WIPF2: variants seen among roughly 807,000 people sequenced by gnomAD.
WIPF2 encodes WAS/WASL interacting protein family member 2, also known as WAS/WASL-interacting protein family member 2.
WIPF2 carries 23 observed loss-of-function variants against 38.8 expected under a neutral mutation model. That is an observed-to-expected ratio of 0.59 (90% CI 0.43 to 0.84). WIPF2 has a LOEUF of 0.84. WIPF2 is among the 40% of genes least tolerant of loss of function. The probability of loss-of-function intolerance (pLI) is 0.00; values close to 1 mark genes in which losing one functional copy is unlikely to be tolerated. For synonymous variants in WIPF2, 210 were observed against 223.2 expected, an observed-to-expected ratio of 0.94 and a Z score of 0.53; for missense variants, 574 against 580.5, an observed-to-expected ratio of 0.99 and a Z score of 0.11.
Position 40,259,712 on chromosome 17 carries a change from T to C in WIPF2, c.64-823T>C, listed in dbSNP as rs75653858. Among the ~76,000 whole-genome samples the C allele has an allele frequency of 3.4e-3, 522 of 152,306 alleles. 1 individual carries two copies. The Middle Eastern group carries it at 0.041, about 12-fold the overall frequency. On this transcript the variant is annotated intron_variant, in intron 2 of 7. Coordinates refer to ENST00000323571, the MANE Select transcript of WIPF2 (RefSeq NM_133264.5). ...AGTGTCACTGTTGGAGTTTGGACTC[T>C]TGTTTTATTGTTTACTAGTTGCATG... is the stretch of plus-strand genomic sequence containing the variant.
Position 40,255,021 on chromosome 17 carries a change from A to G in WIPF2, c.-69-1370A>G, listed in dbSNP as rs376382367. Reference sequence around the variant, plus strand: ...AGTGCTAGGATTACAGGCTTGAGCCACTGTGCCCGGCCTGATTTTTACATT... The same window carrying G: ...AGTGCTAGGATTACAGGCTTGAGCCGCTGTGCCCGGCCTGATTTTTACATT... On this transcript the variant is annotated intron_variant, in intron 1 of 7. Transcript: ENST00000323571. Among the ~76,000 whole-genome samples, 19 of 152,212 alleles carry G rather than the reference A, an allele frequency of 1.2e-4. No individual in the cohort carries two copies. In the East Asian group the frequency reaches 2.7e-3, roughly 22 times the overall value.
At chr17:40,243,376 G>A (rs983137433) in intron 1 of WIPF2, among the ~76,000 whole-genome samples, 10 of 152,036 alleles carry the variant, frequency 6.6e-5, no homozygotes, top group Non-Finnish European at 1.5e-4. Flanking sequence ...GCGTTTTGGG[G>A]ATGCATTATG....
Position 40,256,608 on chromosome 17 carries a change from C to G in WIPF2, c.63+86C>G. 7 of 1,477,130 alleles carry G rather than the reference C, an allele frequency of 4.7e-6. No individual in the cohort carries two copies. The South Asian group carries it at 9.7e-5, about 20-fold the overall frequency. 91.5% of individuals were successfully genotyped at this position (1,477,130 alleles called of 1,614,324 possible). On this transcript the variant is annotated intron_variant, in intron 2 of 7. Coordinates refer to ENST00000323571, the MANE Select transcript of WIPF2 (RefSeq NM_133264.5). ...ACATACTTTTTTTTTCTTTTAACTC[C>G]TTTTGGTTAAAATTTCTAGATTTTC...
In WIPF2 at chr17:40,282,763, C is replaced by T. The variant is rs2032578793; in HGVS notation, c.*4538C>T. 6.6e-6 allele frequency: 1 copy of T among 152,088 alleles called. No homozygotes were observed. Among genetic ancestry groups the T allele is most frequent in the African/African-American group, 2.4e-5 (1 of 41,388 alleles). The allele number at this position is 152,088 out of a possible 1,614,324, so 9.4% of individuals were successfully genotyped here. ...CACAGAGAGGGGAGAAAACCTTTGC[C>T]TCATAATTTGGGTAAGTGTAGTGGT... is the stretch of plus-strand genomic sequence containing the variant. On this transcript the variant is annotated 3_prime_UTR_variant, in exon 8 of 8. Coordinates refer to ENST00000323571, the MANE Select transcript of WIPF2 (RefSeq NM_133264.5).
intron 1 of WIPF2, among the ~76,000 whole-genome samples, chr17:40,238,163 G>A (rs929528454): frequency 1.3e-5 from 2 of 151,704 alleles, no homozygotes; most frequent in Non-Finnish European, 2.9e-5. Flanking sequence ...GTCTCCAAGG[G>A]CTCTTTTTAT....
chr17:40,228,536 C>G (rs1165479384), intron 1 of WIPF2, among the ~76,000 whole-genome samples: 1 of 151,902 alleles, frequency 6.6e-6, no homozygotes, highest in African/African-American at 2.4e-5. Context: ...GTTCGTTATT[C>G]ATTTATTCAA....
chr17:40,244,815 G>T (rs965607625), intron 1 of WIPF2, among the ~76,000 whole-genome samples: 1 of 151,926 alleles, frequency 6.6e-6, no homozygotes, highest in South Asian at 2.1e-4. Flanking sequence ...ATTTCTTTTC[G>T]GAATGCTCTT....
At chr17:40,276,643 G>A (rs1355416271) in intron 6 of WIPF2, among the ~76,000 whole-genome samples, 1 of 151,992 alleles carries the variant, frequency 6.6e-6, no homozygotes, top group Non-Finnish European at 1.5e-5. Context: ...CAGGCTAGGC[G>A]TGGTTCACAC....
intron 2 of WIPF2, among the ~76,000 whole-genome samples, chr17:40,258,971 G>A (rs1421877031): frequency 4.8e-5 from 7 of 146,030 alleles, no homozygotes; most frequent in African/African-American, 1.0e-4. Flanking sequence ...TTTTTAGGCC[G>A]GGTGCAGTGG....
chr17:40,273,508 G>C (rs143081822), intron 5 of WIPF2: 9 of 411,788 alleles, frequency 2.2e-5, no homozygotes, highest in African/African-American at 4.2e-5. Context: ...ATATAAGGAA[G>C]ACCTGAATTA....
rs1174337519 is a variant in WIPF2 at position 40,282,740 on chromosome 17, CAG to C, written c.*4520_*4521del. 2 of 152,250 alleles carry C rather than the reference CAG, an allele frequency of 1.3e-5. No individual in the cohort carries two copies. The highest frequency in any genetic ancestry group is 2.4e-5 in the African/African-American group (1 of 41,526). The allele number at this position is 152,250 out of a possible 1,614,324, so 9.4% of individuals were successfully genotyped here. The stretch of plus-strand genomic sequence containing the variant: ...TGGAATACCGCCTCAGGTGGTGGCA[CAG>C]AGAGGGGAGAAAACCTTTGCCTCAT... On this transcript the variant is annotated 3_prime_UTR_variant, in exon 8 of 8. Transcript: ENST00000323571.
intron 7 of WIPF2, 131 bp from the exon 8 acceptor site, chr17:40,278,054 A>G (rs1322977412): frequency 2.7e-6 from 3 of 1,112,028 alleles, no homozygotes; most frequent in East Asian, 2.6e-5. Context: ...AGGCAAAACA[A>G]TAATAACACG....
chr17:40,248,964 A>G (rs2031465880), intron 1 of WIPF2, among the ~76,000 whole-genome samples: 2 of 152,160 alleles, frequency 1.3e-5, no homozygotes, highest in South Asian at 4.1e-4. Context: ...TGGGACCTTA[A>G]GATTTTGCTG....
intron 1 of WIPF2, among the ~76,000 whole-genome samples, chr17:40,225,139 A>G (rs1011231024): frequency 2.0e-5 from 3 of 152,168 alleles, no homozygotes; most frequent in African/African-American, 7.2e-5. Context: ...TCTTTCTTCT[A>G]AATTCAAGTC....
intron 1 of WIPF2, among the ~76,000 whole-genome samples, chr17:40,220,114 A>G (rs1486216398): frequency 6.6e-6 from 1 of 151,002 alleles, no homozygotes; most frequent in Non-Finnish European, 1.5e-5. Context: ...GTTCATGTTG[A>G]AGTGGTGTGA....
chr17:40,237,845 C>G (rs2031036208), intron 1 of WIPF2, among the ~76,000 whole-genome samples: 1 of 148,464 alleles, frequency 6.7e-6, no homozygotes, highest in Non-Finnish European at 1.5e-5. Context: ...GGGGTTTCAC[C>G]CTGTTGGTCA....
chr17:40,261,056 A>T (rs942716578), intron 3 of WIPF2, among the ~76,000 whole-genome samples: 1 of 146,860 alleles, frequency 6.8e-6, no homozygotes, highest in African/African-American at 2.5e-5. Context: ...AAAAAAAAAA[A>T]GGCTGCCATC....
chr17:40,233,866 C>G (rs557440134), intron 1 of WIPF2, among the ~76,000 whole-genome samples: 1 of 151,986 alleles, frequency 6.6e-6, no homozygotes, highest in Non-Finnish European at 1.5e-5. Context: ...GAGTTCGAGA[C>G]CAGCCTGACC....
chr17:40,257,506 G>A (rs1254851773), intron 2 of WIPF2, among the ~76,000 whole-genome samples: 1 of 152,026 alleles, frequency 6.6e-6, no homozygotes, highest in Admixed American at 6.6e-5. Context: ...GATACCTGGT[G>A]TCACATGAGA....
Sources: gnomAD v4.1 joint callset for allele counts (sites outside exome capture counted in the v4.1 genomes callset) on GRCh38, gnomAD v4.1.1 for gene constraint, MANE v1.5 for transcripts, NCBI Gene and HGNC (gene_info 2026-07-23, HGNC 2026-07-21) for gene names.